The following KCMF1 variants were observed in gnomAD, a reference collection of about 807,000 sequenced individuals.
KCMF1 encodes the protein E3 ubiquitin-protein ligase KCMF1.
KCMF1 carries 3 observed loss-of-function variants against 41.1 expected under a neutral mutation model. The ratio of observed to expected loss-of-function variants is 0.07; its 90% confidence interval spans 0.03 to 0.19. The LOEUF (loss-of-function observed/expected upper bound fraction) is 0.19, where lower values mean the gene tolerates loss of function less well. KCMF1 is among the 10% of genes least tolerant of loss of function. The pLI, the probability that KCMF1 is intolerant of heterozygous loss-of-function variation, is 1.00. For synonymous variants in KCMF1, 142 were observed against 164.5 expected, an observed-to-expected ratio of 0.86 and a Z score of 1.04; for missense variants, 286 against 488.9, an observed-to-expected ratio of 0.58 and a Z score of 3.91.
At chr2:85,035,315 T>C (rs1239931959) in intron 3 of KCMF1, among the ~76,000 whole-genome samples, 160 bp downstream of exon 3, 2 of 152,228 alleles carry the variant, frequency 1.3e-5, no homozygotes, top group African/African-American at 4.8e-5. Context: ...TTATACATCA[T>C]GGGAGGCTGC....
rs1156581451 is a variant in KCMF1, at chr2:85,055,369, C to T, written c.*1960C>T. 6.6e-6 allele frequency: 1 copy of T among 152,054 alleles called. No homozygotes were observed. Among genetic ancestry groups the T allele is most frequent in the Non-Finnish European group, 1.5e-5 (1 of 68,008 alleles). 9.4% of individuals were successfully genotyped at this position (152,054 alleles called of 1,614,324 possible). ...GGGAGATCCTGGTTTTGTGTGAATG[C>T]ATTATTTTGGATGTGAGAAATAAAT... On this transcript the variant is annotated 3_prime_UTR_variant, in exon 7 of 7. Coordinates refer to ENST00000409785, the MANE Select transcript of KCMF1 (RefSeq NM_020122.5).
intron 1 of KCMF1, among the ~76,000 whole-genome samples, chr2:85,008,354 A>ATTATATATCATATTATATATTATATATG (rs1394581511): frequency 1.6e-4 from 9 of 56,452 alleles, no homozygotes; most frequent in African/African-American, 7.8e-4. Flanking sequence ...TATAATATAT[A>ATTATATATCATATTATATATTATATATG]ATATATATTA....
At chr2:84,982,389 C>CTTTTTTTT (rs34687477) in intron 1 of KCMF1, among the ~76,000 whole-genome samples, 2,609 of 47,588 alleles carry the variant, frequency 0.055, 206 homozygotes, top group Non-Finnish European at 0.064. Flanking sequence ...TCCTTATTTT[C>CTTTTTTTT]TTTTTTTTTT....
intron 1 of KCMF1, among the ~76,000 whole-genome samples, chr2:84,997,612 A>G (rs1038662866): frequency 6.6e-6 from 1 of 152,116 alleles, no homozygotes; most frequent in Non-Finnish European, 1.5e-5. Flanking sequence ...GAAGGAGGCA[A>G]GGAGCATGAG....
chr2:85,052,911 T>C (rs1458165206), intron 6 of KCMF1, among the ~76,000 whole-genome samples: 2 of 152,180 alleles, frequency 1.3e-5, no homozygotes, highest in African/African-American at 4.8e-5. Flanking sequence ...TGTCTTTTTT[T>C]TTCTCATTGA....
intron 1 of KCMF1, among the ~76,000 whole-genome samples, chr2:84,987,046 A>G (rs1224838120): frequency 1.3e-5 from 2 of 152,226 alleles, no homozygotes; most frequent in African/African-American, 4.8e-5. Context: ...CTTTGTCAAG[A>G]TGAAATGGCG....
At chr2:84,998,092 T>C (rs190545063) in intron 1 of KCMF1, among the ~76,000 whole-genome samples, 2 of 151,618 alleles carry the variant, frequency 1.3e-5, no homozygotes, top group African/African-American at 4.8e-5. Context: ...ATTTTACTTA[T>C]TTATTTATTT....
intron 1 of KCMF1, among the ~76,000 whole-genome samples, chr2:84,985,089 A>AG (rs1389478756): frequency 6.6e-6 from 1 of 152,178 alleles, no homozygotes; most frequent in Non-Finnish European, 1.5e-5. Flanking sequence ...GGAAAAAAAA[A>AG]TACGACTGAG....
chr2:85,023,315 G>GC (rs1457322756), intron 1 of KCMF1, among the ~76,000 whole-genome samples: 3 of 106,126 alleles, frequency 2.8e-5, no homozygotes, highest in African/African-American at 1.0e-4. Flanking sequence ...AATCTGAATA[G>GC]CCTTTTTTTT....
At chr2:84,981,982 C>T (rs1249603869) in intron 1 of KCMF1, among the ~76,000 whole-genome samples, 4 of 151,988 alleles carry the variant, frequency 2.6e-5, no homozygotes, top group Admixed American at 6.6e-5. Flanking sequence ...AGAGTTTCAC[C>T]ATGTTATCCA....
chr2:85,014,785 G>T (rs565355548), intron 1 of KCMF1, among the ~76,000 whole-genome samples: 2 of 151,308 alleles, frequency 1.3e-5, no homozygotes, highest in African/African-American at 2.4e-5. Context: ...TGTTGCCCAG[G>T]CTGGTCTCAA....
At chr2:84,972,845 T>G (rs1312349752) in intron 1 of KCMF1, among the ~76,000 whole-genome samples, 1 of 152,230 alleles carries the variant, frequency 6.6e-6, no homozygotes, top group Non-Finnish European at 1.5e-5. Context: ...TACTATATTT[T>G]CTTCGCAAAG....
intron 1 of KCMF1, among the ~76,000 whole-genome samples, chr2:85,009,281 C>T (rs1275799760): frequency 6.6e-6 from 1 of 152,178 alleles, no homozygotes; most frequent in Non-Finnish European, 1.5e-5. Flanking sequence ...CCTTCACCTT[C>T]TGCCATGATT....
At chr2:84,998,062 C>T (rs1674219489) in intron 1 of KCMF1, among the ~76,000 whole-genome samples, 4 of 151,600 alleles carry the variant, frequency 2.6e-5, no homozygotes, top group Admixed American at 6.6e-5. Context: ...CATAAGCCCC[C>T]GTGCCCAGCC....
At chr2:85,001,771 A>G (rs1448046000) in intron 1 of KCMF1, among the ~76,000 whole-genome samples, 1 of 152,234 alleles carries the variant, frequency 6.6e-6, no homozygotes, top group Non-Finnish European at 1.5e-5. Flanking sequence ...ACACGATCAC[A>G]TGTTGCCTAG....
intron 1 of KCMF1, among the ~76,000 whole-genome samples, chr2:85,015,110 C>G (rs1046263562): frequency 9.6e-5 from 14 of 146,458 alleles, no homozygotes; most frequent in Admixed American, 9.0e-4. Context: ...GCCGAGATCG[C>G]GCCACTGCAC....
intron 4 of KCMF1, 26 bp from the exon 5 acceptor site, chr2:85,046,077 TC>T (rs1296911139): frequency 2.5e-6 from 4 of 1,578,546 alleles, no homozygotes; most frequent in Non-Finnish European, 3.4e-6. Context: ...TGAAATACTT[TC>T]GTTTTTTTCT....
intron 3 of KCMF1, among the ~76,000 whole-genome samples, chr2:85,041,476 T>C (rs1423772098): frequency 6.6e-6 from 1 of 152,228 alleles, no homozygotes; most frequent in African/African-American, 2.4e-5. Flanking sequence ...AACATTTTTA[T>C]GTCCCCTCAA....
At chr2:84,978,480 T>A (rs1482433339) in intron 1 of KCMF1, among the ~76,000 whole-genome samples, 3 of 151,596 alleles carry the variant, frequency 2.0e-5, no homozygotes, top group African/African-American at 7.3e-5. Context: ...TTGCCTAGGT[T>A]TTTTGTCTTT....
Sources: gnomAD v4.1 joint callset for allele counts (sites outside exome capture counted in the v4.1 genomes callset) on GRCh38, gnomAD v4.1.1 for gene constraint, MANE v1.5 for transcripts, NCBI Gene and HGNC (gene_info 2026-07-23, HGNC 2026-07-21) for gene names.